The following LRRK2 variants were observed in gnomAD, a reference collection of about 807,000 sequenced individuals.
The protein encoded by LRRK2 is leucine-rich repeat serine/threonine-protein kinase 2.
LRRK2 carries 203 observed loss-of-function variants against 302.6 expected under a neutral mutation model. The observed-to-expected ratio is 0.67, with a 90% CI of 0.60 to 0.75. LRRK2 has a LOEUF of 0.75. Among genes scored for constraint, LRRK2 ranks in the 30% least tolerant of loss-of-function variants. The probability of loss-of-function intolerance (pLI) is 0.00; values close to 1 mark genes in which losing one functional copy is unlikely to be tolerated. For missense variants in LRRK2, 2,830 were observed against 2,951.0 expected (o/e 0.96, Z 0.95); for synonymous variants, 1,066 against 1,031.9 (o/e 1.03, Z -0.63).
At position 40,295,642 on chromosome 12, in the gene LRRK2, G is replaced by A; in HGVS notation, c.3094G>A (p.Glu1032Lys). The A allele has an allele frequency of 6.2e-7, 1 of 1,613,000 alleles. No individual in the cohort carries two copies. Among genetic ancestry groups the A allele is most frequent in the Non-Finnish European group, 8.5e-7 (1 of 1,179,302 alleles). The change falls in exon 23 of 51, where the codon GAA becomes AAA. Residue 1032 changes from glutamate (E) to lysine (K), a missense_variant and splice_region_variant. Around this residue, in one of 3 missense-constraint regions of LRRK2, gnomAD observed 2,121 missense variants for 2,148.0 expected, o/e 0.99. Coordinates refer to ENST00000298910, the MANE Select transcript of LRRK2 (RefSeq NM_198578.4). ...CACGAGCTTTCCACAACAGCTATGT[G>A]AAGTAAATTTAATTTATCCTTGTAA... ...ALTSFPQQLC[E>K]TLKSLTHLDL... is the part of the protein sequence containing the mutation.
chr12:40,259,512 TCC>T lies in LRRK2; in HGVS notation c.1454_1455del (p.Pro485GlnfsTer10). On this transcript the variant is annotated frameshift_variant, in exon 13 of 51. Coordinates refer to ENST00000298910, the MANE Select transcript of LRRK2 (RefSeq NM_198578.4). LOFTEE classifies it high-confidence loss of function. ...TCCCTGGATATAATGGCAGCAGTGG[TCC>T]CCAAAATACTAACAGTTATGAAACG... is the stretch of plus-strand genomic sequence containing the variant. The T allele has an allele frequency of 6.2e-7, 1 of 1,613,322 alleles. No individual in the cohort carries two copies. The highest frequency in any genetic ancestry group is 8.5e-7 in the Non-Finnish European group (1 of 1,179,478).
chr12:40,288,430 CT>C (rs1014131021), intron 20 of LRRK2, among the ~76,000 whole-genome samples: 10 of 151,790 alleles, frequency 6.6e-5, no homozygotes, highest in Admixed American at 3.3e-4. Context: ...CCTGGCCCCC[CT>C]GACCCTTAGC....
intron 28 of LRRK2, among the ~76,000 whole-genome samples, chr12:40,307,171 A>G (rs1313593556): frequency 2.0e-5 from 3 of 152,088 alleles, no homozygotes; most frequent in African/African-American, 4.8e-5. Flanking sequence ...GAAGAAAGAC[A>G]TTTTTTCAAA....
Position 40,317,877 on chromosome 12 carries a change from C to T in LRRK2, c.4828-2111C>T, listed in dbSNP as rs572147429. Among the ~76,000 whole-genome samples, 5 of 152,170 alleles carry T rather than the reference C, an allele frequency of 3.3e-5. No individual in the cohort carries two copies. In the East Asian group the frequency reaches 5.8e-4, roughly 18 times the overall value. The stretch of plus-strand genomic sequence containing the variant: ...AAAATGTGAACAATTTATCATTTCT[C>T]GTTCTTCTGTGGCTTGACTGGGCTC... On this transcript the variant is annotated intron_variant, in intron 33 of 50. Transcript: ENST00000298910.
chr12:40,298,838 ATTTATT>A lies in LRRK2; in HGVS notation c.3348-270_3348-265del, dbSNP rs1565727143. On this transcript the variant is annotated intron_variant, in intron 24 of 50. Coordinates refer to ENST00000298910, the MANE Select transcript of LRRK2 (RefSeq NM_198578.4). ...AATATATAATACATATATTATATATATTTATTATATATAATACCTATATATTATATA... is the reference window on the plus strand; with the variant it reads ...AATATATAATACATATATTATATATAATATATAATACCTATATATTATATA... Among the ~76,000 whole-genome samples the A allele has an allele frequency of 8.0e-4, 82 of 102,264 alleles. 2 individuals carry two copies. Among genetic ancestry groups the A allele is most frequent in the Middle Eastern group, 4.9e-3 (1 of 204 alleles). 67.1% of individuals were successfully genotyped at this position (102,264 alleles called of 152,430 possible).
rs568683027 is a variant in LRRK2, at chr12:40,356,812, A to T, written c.6843+625A>T. 9.9e-5 allele frequency among the ~76,000 whole-genome samples: 15 copies of T among 152,228 alleles called. No individual in the cohort carries two copies. The South Asian group carries it at 3.1e-3, about 32-fold the overall frequency. Reference sequence around the variant, plus strand: ...CAATAATATTTCGAATATGACCTAAATTTTTTTATGTATAATATTTGTACA... The same window carrying T: ...CAATAATATTTCGAATATGACCTAATTTTTTTTATGTATAATATTTGTACA... On this transcript the variant is annotated intron_variant, in intron 46 of 50. Coordinates refer to ENST00000298910, the MANE Select transcript of LRRK2 (RefSeq NM_198578.4).
chr12:40,301,454 TA>T lies in LRRK2; in HGVS notation c.3497-1331del, dbSNP rs1944621822. Among the ~76,000 whole-genome samples, 3 of 152,222 alleles carry T rather than the reference TA, an allele frequency of 2.0e-5. No homozygotes were observed. In the South Asian group the frequency reaches 6.2e-4, roughly 32 times the overall value. Reference sequence around the variant, plus strand: ...AATCAAACAATCAATAAATCCCATGTAAAATAAAGTTTTAGTTCTGTGGCCT... The same window carrying T: ...AATCAAACAATCAATAAATCCCATGTAAATAAAGTTTTAGTTCTGTGGCCT... On this transcript the variant is annotated intron_variant, in intron 25 of 50. Transcript: ENST00000298910.
chr12:40,315,120 C>T lies in LRRK2; in HGVS notation c.4739-92C>T, dbSNP rs1427266. On this transcript the variant is annotated intron_variant, in intron 32 of 50. Transcript: ENST00000298910. ...AGCTATGCTGAAATTTCTTCACCTG[C>T]AAAATGAGGAAGTTGGACTAGATTT... 0.57 allele frequency: 595,624 copies of T among 1,052,976 alleles called. 169,768 individuals are homozygous for T. The highest frequency in any genetic ancestry group is 0.69 in the South Asian group (54,723 of 79,420). The allele number at this position is 1,052,976 out of a possible 1,614,324, so 65.2% of individuals were successfully genotyped here.
chr12:40,278,361 A>G, intron 18 of LRRK2, 100 bp downstream of exon 18: 1 of 1,433,282 alleles, frequency 7.0e-7, no homozygotes, highest in Non-Finnish European at 9.8e-7. Flanking sequence ...ATTATTCTTC[A>G]CTACAGAAAT....
intron 18 of LRRK2, 61 bp downstream of exon 18, chr12:40,278,322 T>C (rs756428507): frequency 2.0e-4 from 307 of 1,570,442 alleles, no homozygotes; most frequent in Non-Finnish European, 2.6e-4. Flanking sequence ...GTAAGAGCCC[T>C]GCCATTGTGT....
chr12:40,301,038 G>A lies in LRRK2; in HGVS notation c.3497-1751G>A, dbSNP rs140668111. 5.8e-5 allele frequency: 27 copies of A among 461,858 alleles called. No homozygotes were observed. The East Asian group carries it at 1.3e-3, about 21-fold the overall frequency. The allele number at this position is 461,858 out of a possible 1,614,324, so 28.6% of individuals were successfully genotyped here. ...CTGCCCAATTGAGGAAATTGAAGCC[G>A]TGAGATTTTTTGTGTGATGCTTACA... is the stretch of plus-strand genomic sequence containing the variant. On this transcript the variant is annotated intron_variant, in intron 25 of 50. Coordinates refer to ENST00000298910, the MANE Select transcript of LRRK2 (RefSeq NM_198578.4).
intron 38 of LRRK2, among the ~76,000 whole-genome samples, chr12:40,327,587 G>A (rs1257040810): frequency 6.6e-6 from 1 of 152,174 alleles, no homozygotes; most frequent in Non-Finnish European, 1.5e-5. Flanking sequence ...GCTGAATTTA[G>A]ATTTGATTTA....
Position 40,274,906 on chromosome 12 carries a change from T to C in LRRK2, c.1854T>C (p.Asn618=). 6.2e-7 allele frequency: 1 copy of C among 1,613,302 alleles called. No homozygotes were observed. The highest frequency in any genetic ancestry group is 1.1e-5 in the South Asian group (1 of 91,068). ...TAGGATACTTGATTACAAAGAAGAA[T>C]GTGTTCATAGGAACTGGACATCTGC... ...SLIGYLITKK[N]VFIGTGHLLA... The change falls in exon 16 of 51, where the codon AAT becomes AAC. Residue 618 remains asparagine (N), a synonymous_variant. Coordinates refer to ENST00000298910, the MANE Select transcript of LRRK2 (RefSeq NM_198578.4).
chr12:40,257,623 A>G (rs1005502627), intron 12 of LRRK2, among the ~76,000 whole-genome samples: 44 of 152,212 alleles, frequency 2.9e-4, no homozygotes, highest in African/African-American at 1.0e-3. Flanking sequence ...CTTGATGTTG[A>G]CTATATTTTG....
In LRRK2 at chr12:40,354,334, G is replaced by C; in HGVS notation, c.6612G>C (p.Leu2204Phe). ...ATAGTAGAATATTGTGCTTAGCCTT[G>C]GTGCATCTTCCTGTTGAAAAGGAAA... Reference protein sequence around the residue: ...VADSRILCLALVHLPVEKESW... With the variant: ...VADSRILCLAFVHLPVEKESW... The change falls in exon 45 of 51, where the codon TTG becomes TTC. Residue 2204 changes from leucine (L) to phenylalanine (F), a missense_variant. Leu to Phe is a conservative substitution (Grantham distance 22). Transcript: ENST00000298910. The C allele has an allele frequency of 6.2e-7, 1 of 1,614,044 alleles. No individual in the cohort carries two copies. Among genetic ancestry groups the C allele is most frequent in the Non-Finnish European group, 8.5e-7 (1 of 1,180,000 alleles).
intron 23 of LRRK2, among the ~76,000 whole-genome samples, chr12:40,296,749 TG>T (rs754609976): frequency 1.3e-5 from 2 of 152,196 alleles, no homozygotes; most frequent in Non-Finnish European, 2.9e-5. Context: ...ATTTAAGGGA[TG>T]TTTTTTCTCT....
chr12:40,337,570 T>C (rs1279153072), intron 40 of LRRK2, among the ~76,000 whole-genome samples: 1 of 152,198 alleles, frequency 6.6e-6, no homozygotes, highest in Non-Finnish European at 1.5e-5. Flanking sequence ...TATGCATTTG[T>C]CCACCAGGTC....
chr12:40,275,919 G>A (rs922217521), intron 16 of LRRK2, among the ~76,000 whole-genome samples: 3 of 151,984 alleles, frequency 2.0e-5, no homozygotes, highest in African/African-American at 7.3e-5. Flanking sequence ...GCTGACTCAG[G>A]AAATATTTTT....
intron 38 of LRRK2, among the ~76,000 whole-genome samples, chr12:40,323,609 A>C (rs1945462549): frequency 6.6e-6 from 1 of 152,096 alleles, no homozygotes; most frequent in African/African-American, 2.4e-5. Flanking sequence ...CAAATAAGAC[A>C]GTTTTCAGGT....
Sources: gnomAD v4.1 joint callset for allele counts (sites outside exome capture counted in the v4.1 genomes callset) on GRCh38, gnomAD v4.1.1 for gene constraint, gnomAD v4.1.1 regional missense constraint, MANE v1.5 for transcripts, NCBI Gene and HGNC (gene_info 2026-07-23, HGNC 2026-07-21) for gene names.